The following IGF1R variants were observed in gnomAD, a reference collection of about 807,000 sequenced individuals.
The protein encoded by IGF1R is insulin-like growth factor 1 receptor.
Under a neutral mutation model 144.6 loss-of-function variants are expected in IGF1R, and 44 were observed. That is an observed-to-expected ratio of 0.30 (90% CI 0.24 to 0.39). The LOEUF is 0.39. Ranked by LOEUF, IGF1R falls within the 10% of genes least tolerant of loss-of-function variation. IGF1R has a pLI of 1.00. For synonymous variants in IGF1R, 795 were observed against 722.8 expected (o/e 1.10, Z -1.60); for missense variants, 1,355 against 1,833.7 (o/e 0.74, Z 4.77).
At chr15:98,669,950 G>A (rs947733541) in intron 1 of IGF1R, among the ~76,000 whole-genome samples, 2 of 152,184 alleles carry the variant, frequency 1.3e-5, no homozygotes, top group African/African-American at 4.8e-5. Flanking sequence ...GGTGACTGGT[G>A]TTGCTTTTAC....
intron 2 of IGF1R, among the ~76,000 whole-genome samples, chr15:98,752,930 C>CT (rs1277469191): frequency 8.4e-5 from 11 of 130,410 alleles, no homozygotes; most frequent in Admixed American, 2.4e-4. Context: ...GAAAATCATA[C>CT]TATTTTTTTT....
intron 2 of IGF1R, among the ~76,000 whole-genome samples, chr15:98,798,549 T>C (rs925873169): frequency 1.3e-5 from 2 of 151,998 alleles, no homozygotes; most frequent in African/African-American, 4.8e-5. Context: ...GTTGCCCCAG[T>C]GTAGGGCAGA....
chr15:98,963,512 G>C lies in IGF1R; in HGVS notation c.*6070G>C, dbSNP rs2017308305. The C allele has an allele frequency of 4.3e-6, 1 of 233,208 alleles. No homozygotes were observed. The highest frequency in any genetic ancestry group is 8.5e-6 in the Non-Finnish European group (1 of 118,072). 14.4% of individuals were successfully genotyped at this position (233,208 alleles called of 1,614,324 possible). Reference sequence around the variant, plus strand: ...GGCCATGGAAACAGCCGAGGTGTTGGAGCCCAGCAGTGCATGGCACCGTTC... The same window carrying C: ...GGCCATGGAAACAGCCGAGGTGTTGCAGCCCAGCAGTGCATGGCACCGTTC... On this transcript the variant is annotated 3_prime_UTR_variant, in exon 21 of 21. Transcript: ENST00000650285.
At chr15:98,951,803 C>A (rs2016785283) in intron 20 of IGF1R, among the ~76,000 whole-genome samples, 1 of 152,044 alleles carries the variant, frequency 6.6e-6, no homozygotes, top group African/African-American at 2.4e-5. Context: ...CTCTAAAAGG[C>A]CGGCTAAAAA....
At chr15:98,795,515 T>C (rs2056221252) in intron 2 of IGF1R, among the ~76,000 whole-genome samples, 2 of 152,002 alleles carry the variant, frequency 1.3e-5, no homozygotes, top group Admixed American at 1.3e-4. Flanking sequence ...CCTGGGTTCA[T>C]GCCATTCTCC....
intron 2 of IGF1R, among the ~76,000 whole-genome samples, chr15:98,780,549 CAAAAAAA>C (rs1192949160): frequency 4.2e-4 from 10 of 24,018 alleles, no homozygotes; most frequent in East Asian, 1.7e-3. Context: ...AACTCTGTCT[CAAAAAAA>C]AAAAAAAAAA....
At chr15:98,827,986 C>T (rs1027734429) in intron 2 of IGF1R, among the ~76,000 whole-genome samples, 2 of 152,174 alleles carry the variant, frequency 1.3e-5, no homozygotes, top group Admixed American at 1.3e-4. Flanking sequence ...ATTAATCAGT[C>T]AGATAGTGAG....
intron 2 of IGF1R, among the ~76,000 whole-genome samples, chr15:98,734,082 G>A (rs549065238): frequency 5.3e-5 from 8 of 152,118 alleles, no homozygotes; most frequent in Non-Finnish European, 7.3e-5. Flanking sequence ...GTAAAAGAGC[G>A]CGCATCGTAT....
At chr15:98,900,079 G>C (rs528483899) in intron 5 of IGF1R, among the ~76,000 whole-genome samples, 1 of 152,308 alleles carries the variant, frequency 6.6e-6, no homozygotes, top group Non-Finnish European at 1.5e-5. Context: ...AGCATGGGCG[G>C]TTCGTTTTGT....
At chr15:98,778,450 A>G (rs1038815758) in intron 2 of IGF1R, among the ~76,000 whole-genome samples, 2 of 152,228 alleles carry the variant, frequency 1.3e-5, no homozygotes, top group African/African-American at 4.8e-5. Context: ...AGATGAGAAG[A>G]CTGAGACCCA....
intron 2 of IGF1R, among the ~76,000 whole-genome samples, chr15:98,764,192 C>T (rs529687480): frequency 4.1e-4 from 63 of 152,292 alleles, no homozygotes; most frequent in Non-Finnish European, 7.2e-4. Context: ...TTTTAATTAC[C>T]TGAAGCTTTC....
intron 2 of IGF1R, among the ~76,000 whole-genome samples, chr15:98,846,843 G>A (rs2011347529): frequency 6.6e-6 from 1 of 152,198 alleles, no homozygotes. Flanking sequence ...ACTTTGTTGG[G>A]ATATTTTTAA....
intron 2 of IGF1R, among the ~76,000 whole-genome samples, chr15:98,762,401 CAAAA>C (rs1442415181): frequency 6.6e-6 from 1 of 152,014 alleles, no homozygotes; most frequent in Non-Finnish European, 1.5e-5. Flanking sequence ...ACTTGTTCCA[CAAAA>C]AATTTTAAAT....
chr15:98,887,018 A>G (rs1221650210), intron 2 of IGF1R, among the ~76,000 whole-genome samples: 2 of 152,332 alleles, frequency 1.3e-5, no homozygotes, highest in East Asian at 1.9e-4. Context: ...CTGCCCCCGC[A>G]TAGAGCATGT....
chr15:98,961,692 C>T lies in IGF1R; in HGVS notation c.*4250C>T, dbSNP rs2151745866. On this transcript the variant is annotated 3_prime_UTR_variant, in exon 21 of 21. Transcript: ENST00000650285. The stretch of plus-strand genomic sequence containing the variant: ...TAAGACGTTCTCCCACACAGCCCTT[C>T]CCTGAGGCAGCAGGAGCTGGTGTGT... The T allele has an allele frequency of 4.3e-6, 1 of 233,740 alleles. No individual in the cohort carries two copies. Among genetic ancestry groups the T allele is most frequent in the Middle Eastern group, 1.3e-3 (1 of 786 alleles). 14.5% of individuals were successfully genotyped at this position (233,740 alleles called of 1,614,324 possible).
chr15:98,929,568 A>C lies in IGF1R; in HGVS notation c.2793A>C (p.Glu931Asp). 6.2e-7 allele frequency: 1 copy of C among 1,613,820 alleles called. No homozygotes were observed. The highest frequency in any genetic ancestry group is 8.5e-7 in the Non-Finnish European group (1 of 1,179,696). Reference sequence around the variant, plus strand: ...TCCTCTTTGCTGCAGCAGGATATGAAAACTTCATCCATCTGATCATCGCTC... The same window carrying C: ...TCCTCTTTGCTGCAGCAGGATATGACAACTTCATCCATCTGATCATCGCTC... ...FFYVQAKTGY[E>D]NFIHLIIALP... Residue 931 changes from glutamate to aspartate, a missense_variant, in exon 14 of 21, where the codon GAA (glutamate) becomes GAC (aspartate). Coordinates refer to ENST00000650285, the MANE Select transcript of IGF1R (RefSeq NM_000875.5).
intron 13 of IGF1R, among the ~76,000 whole-genome samples, chr15:98,926,840 C>G (rs2015740741): frequency 6.6e-6 from 1 of 152,196 alleles, no homozygotes; most frequent in African/African-American, 2.4e-5. Context: ...GTCCAGTTAA[C>G]CTAGTCTCAC....
intron 1 of IGF1R, among the ~76,000 whole-genome samples, chr15:98,701,009 A>G (rs1194245825): frequency 1.3e-5 from 2 of 151,774 alleles, no homozygotes; most frequent in Non-Finnish European, 2.9e-5. Context: ...TCCTCTCCTA[A>G]CCTCTTAAAT....
At chr15:98,952,399 T>C (rs1288092364) in intron 20 of IGF1R, among the ~76,000 whole-genome samples, 1 of 152,084 alleles carries the variant, frequency 6.6e-6, no homozygotes, top group Non-Finnish European at 1.5e-5. Context: ...TGCCAGCCAT[T>C]ATGAGAAAAA....
Sources: allele counts gnomAD v4.1 joint callset (sites outside exome capture counted in the v4.1 genomes callset), GRCh38; gene constraint gnomAD v4.1.1; transcripts MANE v1.5; gene names NCBI Gene and HGNC (gene_info 2026-07-23, HGNC 2026-07-21).